Variants in PDE4D observed in about 807,000 individuals in gnomAD.
The protein encoded by PDE4D is phosphodiesterase 4D, also known as 3',5'-cyclic-AMP phosphodiesterase 4D.
Under a neutral mutation model 87.4 loss-of-function variants are expected in PDE4D, and 24 were observed. The ratio of observed to expected loss-of-function variants is 0.27; its 90% confidence interval spans 0.20 to 0.39. PDE4D has a LOEUF of 0.39. Among genes scored for constraint, PDE4D ranks in the 10% least tolerant of loss-of-function variants. The pLI, the probability that PDE4D is intolerant of heterozygous loss-of-function variation, is 1.00. For synonymous variants in PDE4D, 384 were observed against 383.2 expected (o/e 1.00, Z -0.02); for missense variants, 714 against 1,041.0 (o/e 0.69, Z 4.32).
At chr5:59,023,739 G>GAGA (rs1414432286) in intron 6 of PDE4D, among the ~76,000 whole-genome samples, 1 of 152,158 alleles carries the variant, frequency 6.6e-6, no homozygotes, top group East Asian at 1.9e-4. Flanking sequence ...TTTGAGGTAT[G>GAGA]AGAAAATACC....
rs74619769 is a variant in PDE4D, at chr5:59,605,258, A to C, written c.455+287910T>G. On this transcript the variant is annotated intron_variant, in intron 1 of 14. Coordinates refer to ENST00000340635, the MANE Select transcript of PDE4D (RefSeq NM_001104631.2). ...ATAAGTATTCAATAATTGGCAATGC[A>C]AAAGTTTATTTTTTTCTATCCATTG... Among the ~76,000 whole-genome samples the C allele has an allele frequency of 9.1e-3, 1,386 of 152,270 alleles. 22 individuals are homozygous for C. Among genetic ancestry groups the C allele is most frequent in the African/African-American group, 0.031 (1,299 of 41,558 alleles).
At chr5:60,287,259 T>G (rs758484692) in intron 1 of PDE4D, among the ~76,000 whole-genome samples, 1 of 152,136 alleles carries the variant, frequency 6.6e-6, no homozygotes, top group Non-Finnish European at 1.5e-5. Flanking sequence ...AAGCAGTGTA[T>G]AAAACAGCCT....
intron 5 of PDE4D, chr5:59,091,207 A>G: frequency 6.8e-6 from 3 of 440,974 alleles, no homozygotes; most frequent in Non-Finnish European, 1.4e-5. Flanking sequence ...TACCTTCTCA[A>G]CCACTTTGTC....
At chr5:60,428,622 T>C (rs368296964) in intron 1 of PDE4D, among the ~76,000 whole-genome samples, 1 of 152,224 alleles carries the variant, frequency 6.6e-6, no homozygotes, top group African/African-American at 2.4e-5. Flanking sequence ...ACTTCCTATA[T>C]ACTGAAAATC....
chr5:59,823,239 C>T (rs559709537), intron 1 of PDE4D, among the ~76,000 whole-genome samples: 3 of 152,298 alleles, frequency 2.0e-5, no homozygotes, highest in East Asian at 1.9e-4. Flanking sequence ...CCTTTCGCCC[C>T]CTGTTTAATG....
intron 1 of PDE4D, among the ~76,000 whole-genome samples, chr5:59,543,734 C>T (rs113861369): frequency 5.9e-5 from 9 of 152,032 alleles, no homozygotes; most frequent in Admixed American, 3.3e-4. Flanking sequence ...CACCCCTACA[C>T]GCCAGAACTT....
intron 1 of PDE4D, among the ~76,000 whole-genome samples, chr5:59,788,693 A>C (rs1280869863): frequency 1.3e-5 from 2 of 152,218 alleles, no homozygotes; most frequent in Non-Finnish European, 2.9e-5. Flanking sequence ...ACACATTTAG[A>C]ACTCCCAGAA....
chr5:60,108,696 A>G (rs1025708632), intron 2 of PDE4D, among the ~76,000 whole-genome samples: 6 of 152,148 alleles, frequency 3.9e-5, no homozygotes, highest in Admixed American at 2.6e-4. Flanking sequence ...AGCCCTCAGA[A>G]ATAATGCCAC....
intron 2 of PDE4D, among the ~76,000 whole-genome samples, chr5:60,091,678 C>T (rs1775125745): frequency 6.6e-6 from 1 of 152,182 alleles, no homozygotes; most frequent in Non-Finnish European, 1.5e-5. Context: ...AAGATATCTG[C>T]ACTCCCATGT....
At chr5:59,985,274 G>C (rs1178699299) in intron 3 of PDE4D, among the ~76,000 whole-genome samples, 1 of 151,710 alleles carries the variant, frequency 6.6e-6, no homozygotes, top group African/African-American at 2.4e-5. Flanking sequence ...GAGTAGCTGG[G>C]ACTGCAGGCA....
At chr5:59,156,930 C>T (rs1461065254) in intron 5 of PDE4D, 1 of 165,632 alleles carries the variant, frequency 6.0e-6, no homozygotes, top group Non-Finnish European at 1.3e-5. Context: ...AAGCAAAAAG[C>T]TTTGATCTTT....
At chr5:60,252,579 G>A (rs1323582345) in intron 1 of PDE4D, among the ~76,000 whole-genome samples, 1 of 151,674 alleles carries the variant, frequency 6.6e-6, no homozygotes, top group East Asian at 1.9e-4. Context: ...TATGGTAGTG[G>A]CAATGGCAGG....
rs117118750 is a variant in PDE4D at position 59,043,555 on chromosome 5, A to C, written c.809-4584T>G. Among the ~76,000 whole-genome samples, 428 of 152,168 alleles carry C rather than the reference A, an allele frequency of 2.8e-3. 4 individuals carry two copies. The East Asian group carries it at 0.044, about 16-fold the overall frequency. On this transcript the variant is annotated intron_variant, in intron 5 of 14. Transcript: ENST00000340635. Reference sequence around the variant, plus strand: ...CAAAAAAAATTATAACAACTGATCCAGATTTTTTTTATTATTACACTTTAA... The same window carrying C: ...CAAAAAAAATTATAACAACTGATCCCGATTTTTTTTATTATTACACTTTAA...
intron 2 of PDE4D, among the ~76,000 whole-genome samples, chr5:60,121,583 G>A (rs558952637): frequency 2.0e-5 from 3 of 152,032 alleles, no homozygotes; most frequent in Admixed American, 1.3e-4. Flanking sequence ...ACTTATTCAC[G>A]ACCACGAGAA....
At chr5:59,677,369 T>C (rs950851788) in intron 1 of PDE4D, among the ~76,000 whole-genome samples, 1 of 152,162 alleles carries the variant, frequency 6.6e-6, no homozygotes, top group Non-Finnish European at 1.5e-5. Flanking sequence ...TATCTAGTGT[T>C]TTCTAAGTAG....
intron 1 of PDE4D, among the ~76,000 whole-genome samples, chr5:60,431,737 G>T (rs1165082321): frequency 6.6e-6 from 1 of 152,170 alleles, no homozygotes; most frequent in Non-Finnish European, 1.5e-5. Context: ...GGAGGTGGAG[G>T]TTGTAGCGAG....
At chr5:60,506,221 G>T (rs1003970464) in intron 1 of PDE4D, among the ~76,000 whole-genome samples, 2 of 152,180 alleles carry the variant, frequency 1.3e-5, no homozygotes, top group African/African-American at 4.8e-5. Flanking sequence ...ACTCACAAGT[G>T]CACACCAACT....
In PDE4D at chr5:60,012,014, A is replaced by G. The variant is rs534936182; in HGVS notation, c.43-23297T>C. ...CCACTAACCGAGACATCACTATCAC[A>G]GTGGTGCATGAAAGTAGGACTCATA... On this transcript the variant is annotated intron_variant, in intron 2 of 16. Transcript: ENST00000502484. 3.6e-3 allele frequency among the ~76,000 whole-genome samples: 550 copies of G among 152,270 alleles called. 5 individuals carry two copies. Among genetic ancestry groups the G allele is most frequent in the Non-Finnish European group, 5.9e-3 (401 of 68,008 alleles).
chr5:60,285,799 T>C (rs1389007521), intron 1 of PDE4D, among the ~76,000 whole-genome samples: 1 of 152,218 alleles, frequency 6.6e-6, no homozygotes, highest in Admixed American at 6.5e-5. Flanking sequence ...ACCTTGAGAA[T>C]TCCTTTCAGG....
Sources: allele counts gnomAD v4.1 joint callset (sites outside exome capture counted in the v4.1 genomes callset), GRCh38; gene constraint gnomAD v4.1.1; transcripts MANE v1.5; gene names NCBI Gene and HGNC (gene_info 2026-07-23, HGNC 2026-07-21).